Variants in CAMTA1 observed in about 807,000 individuals in gnomAD.
CAMTA1 encodes calmodulin binding transcription activator 1.
A neutral mutation model predicts 170.9 loss-of-function variants in CAMTA1; 27 were observed. The ratio of observed to expected loss-of-function variants is 0.16; its 90% CI spans 0.12 to 0.22. The LOEUF (loss-of-function observed/expected upper bound fraction) is 0.22, where lower values mean the gene tolerates loss of function less well. Among genes scored for constraint, CAMTA1 ranks in the 10% least tolerant of loss-of-function variants. The pLI, the probability that CAMTA1 is intolerant of heterozygous loss-of-function variation, is 1.00. For missense variants in CAMTA1, 1,619 were observed against 2,217.2 expected (o/e 0.73, Z 5.42); for synonymous variants, 833 against 891.5 (o/e 0.93, Z 1.17).
intron 3 of CAMTA1, among the ~76,000 whole-genome samples, chr1:6,923,345 G>T (rs1483598167): frequency 6.6e-6 from 1 of 152,154 alleles, no homozygotes; most frequent in Non-Finnish European, 1.5e-5. Context: ...TGTGGGAAGG[G>T]GGAGCACTGA....
At chr1:7,322,371 G>C (rs1678561539) in intron 5 of CAMTA1, among the ~76,000 whole-genome samples, 1 of 152,228 alleles carries the variant, frequency 6.6e-6, no homozygotes, top group African/African-American at 2.4e-5. Flanking sequence ...GGGAGAGATG[G>C]TAAATGTTTT....
intron 5 of CAMTA1, among the ~76,000 whole-genome samples, chr1:7,393,891 C>G (rs1002756810): frequency 1.3e-5 from 2 of 152,202 alleles, no homozygotes; most frequent in Non-Finnish European, 2.9e-5. Context: ...ATTCTACTCT[C>G]TACGTCTATG....
intron 5 of CAMTA1, among the ~76,000 whole-genome samples, chr1:7,424,378 A>G (rs2091757526): frequency 7.8e-6 from 1 of 128,002 alleles, no homozygotes; most frequent in South Asian, 2.5e-4. Context: ...TGGAAATATC[A>G]TTTTGTATTG....
rs1289949808 is a variant in CAMTA1 at position 7,664,157 on chromosome 1, C to A, written c.1610C>A (p.Thr537Asn). The A allele has an allele frequency of 1.9e-6, 3 of 1,612,896 alleles. No homozygotes were observed. The highest frequency in any genetic ancestry group is 1.1e-5 in the South Asian group (1 of 91,092). ...VLTKEIKTEDTSFEQQMAKEA... is the reference protein window; with the variant it reads ...VLTKEIKTEDNSFEQQMAKEA... Reference sequence around the variant, plus strand: ...ACCAAGGAGATCAAGACCGAGGACACCTCCTTCGAGCAGCAGATGGCCAAA... The same window carrying A: ...ACCAAGGAGATCAAGACCGAGGACAACTCCTTCGAGCAGCAGATGGCCAAA... Residue 537 changes from threonine to asparagine, a missense_variant, in exon 9 of 23, where the codon ACC becomes AAC. This residue lies in a region of CAMTA1 where 731 missense variants were observed against 907.6 expected (regional missense o/e 0.81). Transcript: ENST00000303635.
At chr1:7,574,056 G>T (rs969722049) in intron 6 of CAMTA1, among the ~76,000 whole-genome samples, 3 of 152,200 alleles carry the variant, frequency 2.0e-5, no homozygotes, top group Non-Finnish European at 4.4e-5. Context: ...TTACAGGCAT[G>T]CATGACCTCA....
intron 6 of CAMTA1, among the ~76,000 whole-genome samples, chr1:7,477,477 C>G (rs972645961): frequency 6.6e-6 from 1 of 152,184 alleles, no homozygotes; most frequent in African/African-American, 2.4e-5. Flanking sequence ...GATTTCAGGA[C>G]CCTTGCCAAG....
At chr1:6,876,235 C>T (rs934567562) in intron 3 of CAMTA1, among the ~76,000 whole-genome samples, 1 of 151,672 alleles carries the variant, frequency 6.6e-6, no homozygotes, top group Admixed American at 6.6e-5. Flanking sequence ...TCCTTGTTTT[C>T]TCTTTCTTCC....
intron 4 of CAMTA1, among the ~76,000 whole-genome samples, chr1:7,098,783 G>A (rs1399356251): frequency 6.6e-6 from 1 of 152,162 alleles, no homozygotes; most frequent in African/African-American, 2.4e-5. Flanking sequence ...CATACACTGG[G>A]CTCCTGATCA....
intron 3 of CAMTA1, among the ~76,000 whole-genome samples, chr1:6,968,969 A>G (rs535995220): frequency 6.6e-6 from 1 of 152,220 alleles, no homozygotes; most frequent in East Asian, 1.9e-4. Context: ...GTCTGTCTCC[A>G]AGGAGCTAGT....
At chr1:7,503,937 A>G (rs1329506059) in intron 6 of CAMTA1, among the ~76,000 whole-genome samples, 2 of 152,092 alleles carry the variant, frequency 1.3e-5, no homozygotes, top group African/African-American at 2.4e-5. Context: ...AGCCAGAGGA[A>G]GGGCTGGGGG....
chr1:6,940,737 T>G (rs1686302320), intron 3 of CAMTA1, among the ~76,000 whole-genome samples: 1 of 152,030 alleles, frequency 6.6e-6, no homozygotes, highest in Non-Finnish European at 1.5e-5. Flanking sequence ...CACTGGGGAT[T>G]ACTGGAGCCC....
chr1:7,712,642 G>A (rs1414861302), intron 11 of CAMTA1, among the ~76,000 whole-genome samples: 1 of 152,144 alleles, frequency 6.6e-6, no homozygotes, highest in African/African-American at 2.4e-5. Context: ...ATTCCCAAAT[G>A]GAACAAAGAG....
chr1:7,360,172 G>A (rs967356070), intron 5 of CAMTA1, among the ~76,000 whole-genome samples: 7 of 152,134 alleles, frequency 4.6e-5, no homozygotes, highest in Admixed American at 3.9e-4. Context: ...ATTTTAACTT[G>A]ATTACCTCTT....
chr1:7,052,129 C>T (rs1706490194), intron 3 of CAMTA1, among the ~76,000 whole-genome samples: 2 of 152,264 alleles, frequency 1.3e-5, no homozygotes, highest in East Asian at 1.9e-4. Flanking sequence ...TCACTGTCCC[C>T]CCTTGTCCTT....
intron 1 of CAMTA1, among the ~76,000 whole-genome samples, chr1:6,814,619 A>G (rs1645571005): frequency 6.6e-6 from 1 of 152,204 alleles, no homozygotes; most frequent in African/African-American, 2.4e-5. Context: ...TTGAGCCATT[A>G]TACAGTTAGC....
intron 5 of CAMTA1, among the ~76,000 whole-genome samples, chr1:7,373,070 C>T (rs1238068552): frequency 6.6e-6 from 1 of 152,188 alleles, no homozygotes; most frequent in Non-Finnish European, 1.5e-5. Context: ...GCATGGGAAC[C>T]AGGGGAAGAA....
rs117245551 is a variant in CAMTA1 at position 7,229,688 on chromosome 1, C to T, written c.303-19803C>T. Among the ~76,000 whole-genome samples the T allele has an allele frequency of 2.7e-3, 405 of 151,612 alleles. 11 individuals carry two copies. In the East Asian group the frequency reaches 0.051, roughly 19 times the overall value. On this transcript the variant is annotated intron_variant, in intron 4 of 22. Coordinates refer to ENST00000303635, the MANE Select transcript of CAMTA1 (RefSeq NM_015215.4). ...GAGGCAAGAGCCAGTCTGGAGGGAG[C>T]GAGCCTGTGAGCCAGGAGCACAGAG...
At position 7,251,548 on chromosome 1, in the gene CAMTA1, G is replaced by A. The variant is rs898012945; in HGVS notation, c.438+1922G>A. Among the ~76,000 whole-genome samples, 7 of 152,124 alleles carry A rather than the reference G, an allele frequency of 4.6e-5. No homozygotes were observed. The highest frequency in any genetic ancestry group is 7.4e-5 in the Non-Finnish European group (5 of 68,020). ...ACCTACTATGATGCATTATGTGGTG[G>A]CCTTGCCCGTGAGCTCAGCGAGTTG... On this transcript the variant is annotated intron_variant, in intron 5 of 22. Coordinates refer to ENST00000303635, the MANE Select transcript of CAMTA1 (RefSeq NM_015215.4). The surrounding 1 kb of genome is among the most constrained non-coding windows in gnomAD (Gnocchi z 5.1).
chr1:7,235,182 G>A (rs1193413821), intron 4 of CAMTA1, among the ~76,000 whole-genome samples: 2 of 152,142 alleles, frequency 1.3e-5, no homozygotes, highest in African/African-American at 2.4e-5. Context: ...GGCCCTTAGA[G>A]ATGGAATCTA....
Sources: allele counts gnomAD v4.1 joint callset (sites outside exome capture counted in the v4.1 genomes callset), GRCh38; gene constraint gnomAD v4.1.1; regional missense constraint gnomAD v4.1.1; non-coding constraint Gnocchi (gnomAD v3.1); transcripts MANE v1.5; gene names NCBI Gene and HGNC (gene_info 2026-07-23, HGNC 2026-07-21).